The following TRPM6 variants were observed in gnomAD, a reference collection of about 807,000 sequenced individuals.
The protein encoded by TRPM6 is channel kinase 2.
A neutral mutation model predicts 247.6 loss-of-function variants in TRPM6; 111 were observed. The ratio of observed to expected loss-of-function variants is 0.45; its 90% CI spans 0.38 to 0.52. The LOEUF is 0.52. Ranked by LOEUF, TRPM6 falls within the 20% of genes least tolerant of loss-of-function variation. The pLI is 0.00. For missense variants in TRPM6, 2,126 were observed against 2,421.5 expected, an observed-to-expected ratio of 0.88 and a Z score of 2.56; for synonymous variants, 892 against 853.8, an observed-to-expected ratio of 1.04 and a Z score of -0.78.
chr9:74,862,980 C>CTAAA (rs778104662), intron 1 of TRPM6, among the ~76,000 whole-genome samples: 3 of 151,554 alleles, frequency 2.0e-5, no homozygotes, highest in East Asian at 2.0e-4. Flanking sequence ...GACTCTGTCT[C>CTAAA]TAAATAAATA....
At chr9:74,841,961 A>G (rs1829952279) in intron 4 of TRPM6, among the ~76,000 whole-genome samples, 2 of 152,142 alleles carry the variant, frequency 1.3e-5, no homozygotes, top group Non-Finnish European at 2.9e-5. Context: ...AAAATACAAA[A>G]TTAGCCAGGA....
chr9:74,843,814 CAA>C (rs542444347), intron 3 of TRPM6, among the ~76,000 whole-genome samples: 45 of 62,404 alleles, frequency 7.2e-4, no homozygotes, highest in African/African-American at 7.8e-4. Context: ...GACTCCATCT[CAA>C]AAAAAAAAAA....
At chr9:74,763,834 A>G (rs1398106078) in intron 25 of TRPM6, among the ~76,000 whole-genome samples, 2 of 152,202 alleles carry the variant, frequency 1.3e-5, no homozygotes, top group African/African-American at 2.4e-5. Context: ...TCAAATGTAA[A>G]TGTAAGTTGC....
At chr9:74,850,713 T>A (rs1429071087) in intron 3 of TRPM6, among the ~76,000 whole-genome samples, 2 of 151,620 alleles carry the variant, frequency 1.3e-5, no homozygotes, top group African/African-American at 4.8e-5. Flanking sequence ...AGAGCAAAAC[T>A]TCGTCTCAAA....
intron 38 of TRPM6, among the ~76,000 whole-genome samples, chr9:74,725,177 A>G (rs1405281436): frequency 1.3e-5 from 2 of 152,222 alleles, no homozygotes; most frequent in African/African-American, 2.4e-5. Context: ...GGTACAGCCA[A>G]TAAAAGCTCC....
intron 1 of TRPM6, among the ~76,000 whole-genome samples, chr9:74,886,386 AG>A (rs1469375701): frequency 2.0e-5 from 3 of 152,242 alleles, no homozygotes; most frequent in Non-Finnish European, 4.4e-5. Context: ...ATCTGTATAC[AG>A]GGGGAAAGAA....
chr9:74,861,614 A>C (rs186784371), intron 1 of TRPM6, among the ~76,000 whole-genome samples: 2 of 152,286 alleles, frequency 1.3e-5, no homozygotes, highest in Middle Eastern at 3.4e-3. Flanking sequence ...GTCTATCAAA[A>C]TGGGGATAAT....
intron 23 of TRPM6, 24 bp from the exon 24 acceptor site, chr9:74,776,100 A>G: frequency 1.3e-6 from 2 of 1,588,768 alleles, no homozygotes; most frequent in Non-Finnish European, 1.7e-6. Context: ...TAAGAGAGGG[A>G]CAATGTTTTA....
At chr9:74,855,119 C>T (rs1830484400) in intron 3 of TRPM6, among the ~76,000 whole-genome samples, 1 of 152,200 alleles carries the variant, frequency 6.6e-6, no homozygotes, top group African/African-American at 2.4e-5. Context: ...GTTTAAAATG[C>T]AAATCACTGT....
At chr9:74,837,968 C>G (rs765941679) in intron 5 of TRPM6, among the ~76,000 whole-genome samples, 1 of 151,998 alleles carries the variant, frequency 6.6e-6, no homozygotes. Flanking sequence ...AGGGTGGTCT[C>G]GAACTCCTGA....
chr9:74,867,115 T>G (rs1446146935), intron 1 of TRPM6, among the ~76,000 whole-genome samples: 1 of 152,212 alleles, frequency 6.6e-6, no homozygotes, highest in Non-Finnish European at 1.5e-5. Context: ...ATAAGTGGTT[T>G]TGCTTGAAGT....
chr9:74,885,831 T>A (rs576235011), intron 1 of TRPM6, among the ~76,000 whole-genome samples: 1 of 152,220 alleles, frequency 6.6e-6, no homozygotes, highest in Non-Finnish European at 1.5e-5. Flanking sequence ...CTTGGCACTT[T>A]GGGAGGCCAA....
chr9:74,777,267 A>C (rs1388026047), intron 23 of TRPM6, among the ~76,000 whole-genome samples: 1 of 152,266 alleles, frequency 6.6e-6, no homozygotes, highest in African/African-American at 2.4e-5. Flanking sequence ...GCGACTTAAC[A>C]GTGTATTTAA....
At position 74,878,859 on chromosome 9, in the gene TRPM6, C is replaced by T. The variant is rs114918968; in HGVS notation, c.33+8965G>A. On this transcript the variant is annotated intron_variant, in intron 1 of 38. Transcript: ENST00000360774. ...CTCAGCCAGGTGTGGTGGCTCATTC[C>T]TGTAATCTTAGTTACTTGAGAAGCT... is the stretch of plus-strand genomic sequence containing the variant. 3.7e-3 allele frequency among the ~76,000 whole-genome samples: 564 copies of T among 152,240 alleles called. 2 individuals carry two copies. Among genetic ancestry groups the T allele is most frequent in the African/African-American group, 0.013 (539 of 41,542 alleles).
intron 2 of TRPM6, 29 bp from the exon 3 acceptor site, chr9:74,855,594 G>A: frequency 6.9e-7 from 1 of 1,452,486 alleles, no homozygotes; most frequent in Non-Finnish European, 9.7e-7. Flanking sequence ...ACCTCTGTTA[G>A]TTTGTTGGTG....
rs143183904 is a variant in TRPM6 at position 74,769,244 on chromosome 9, C to G, written c.3536+2459G>C. 9.6e-3 allele frequency among the ~76,000 whole-genome samples: 1,462 copies of G among 152,220 alleles called. 17 individuals carry two copies. Among genetic ancestry groups the G allele is most frequent in the African/African-American group, 0.034 (1,395 of 41,568 alleles). On this transcript the variant is annotated intron_variant, in intron 25 of 38. Coordinates refer to ENST00000360774, the MANE Select transcript of TRPM6 (RefSeq NM_017662.5). ...CACTGCAACCTCTGCCTCCTGGGTT[C>G]ATGTGATTCTTCTGCCTCAGCATCC...
intron 3 of TRPM6, among the ~76,000 whole-genome samples, chr9:74,846,445 C>T (rs1019968186): frequency 6.6e-6 from 1 of 152,102 alleles, no homozygotes; most frequent in Non-Finnish European, 1.5e-5. Context: ...ATATTGTTTT[C>T]TGGTATGAAC....
chr9:74,727,313 C>A (rs1051145995), intron 38 of TRPM6, among the ~76,000 whole-genome samples: 1 of 136,966 alleles, frequency 7.3e-6, no homozygotes, highest in Non-Finnish European at 1.5e-5. Flanking sequence ...ACCCGGTAGG[C>A]GGAGGTTGTA....
At chr9:74,737,426 A>G (rs768304738) in intron 36 of TRPM6, 43 of 1,289,666 alleles carry the variant, frequency 3.3e-5, no homozygotes, top group Non-Finnish European at 4.2e-5. Flanking sequence ...CCTGGCTTTC[A>G]GCATAGAATC....
Sources: gnomAD v4.1 joint callset for allele counts (sites outside exome capture counted in the v4.1 genomes callset) on GRCh38, gnomAD v4.1.1 for gene constraint, MANE v1.5 for transcripts, NCBI Gene and HGNC (gene_info 2026-07-23, HGNC 2026-07-21) for gene names.